The following EPHA4 variants were observed in gnomAD, a reference collection of about 807,000 sequenced individuals.
The protein encoded by EPHA4 is ephrin type-A receptor 4.
EPHA4 carries 19 observed loss-of-function variants against 108.3 expected under a neutral mutation model. The observed-to-expected ratio is 0.18, with a 90% CI of 0.12 to 0.26. EPHA4 has a LOEUF of 0.26. EPHA4 is among the 10% of genes least tolerant of loss of function. The pLI is 1.00. For synonymous variants in EPHA4, 449 were observed against 455.5 expected (o/e 0.99, Z 0.18); for missense variants, 917 against 1,254.0 (o/e 0.73, Z 4.06).
chr2:221,422,077 A>G (rs1689776861), intron 17 of EPHA4: 1 of 151,096 alleles, frequency 6.6e-6, no homozygotes. Flanking sequence ...CCATCTTTAA[A>G]AAAAAAAAAA....
At chr2:221,470,088 T>C (rs771520404) in intron 5 of EPHA4, among the ~76,000 whole-genome samples, 6 of 152,154 alleles carry the variant, frequency 3.9e-5, no homozygotes, top group Non-Finnish European at 8.8e-5. Flanking sequence ...TGACACATAT[T>C]GACAAAGTAT....
intron 3 of EPHA4, among the ~76,000 whole-genome samples, chr2:221,559,479 G>A (rs760688223): frequency 1.3e-5 from 2 of 152,014 alleles, no homozygotes; most frequent in Non-Finnish European, 2.9e-5. Flanking sequence ...GAGAGGCTGA[G>A]GTAGGATCAC....
chr2:221,422,983 T>C (rs1416883527), intron 17 of EPHA4, among the ~76,000 whole-genome samples: 1 of 152,206 alleles, frequency 6.6e-6, no homozygotes, highest in African/African-American at 2.4e-5. Context: ...CATAAATCCA[T>C]TTAAGTGAAG....
chr2:221,549,280 T>A (rs554869988), intron 3 of EPHA4, among the ~76,000 whole-genome samples: 1 of 152,318 alleles, frequency 6.6e-6, no homozygotes, highest in Admixed American at 6.5e-5. Context: ...CCCACAGAAT[T>A]TGTGTGGTTA....
intron 9 of EPHA4, among the ~76,000 whole-genome samples, chr2:221,445,870 T>G (rs919964276): frequency 1.3e-5 from 2 of 152,098 alleles, no homozygotes; most frequent in African/African-American, 4.8e-5. Flanking sequence ...ACTGATAACT[T>G]TCTTAGGGTA....
intron 8 of EPHA4, among the ~76,000 whole-genome samples, chr2:221,447,251 T>A (rs1299647341): frequency 6.6e-6 from 1 of 152,184 alleles, no homozygotes; most frequent in African/African-American, 2.4e-5. Context: ...TTACATTCTA[T>A]GTTTTCTTAG....
intron 8 of EPHA4, among the ~76,000 whole-genome samples, chr2:221,450,175 G>A (rs1690734468): frequency 6.6e-6 from 1 of 152,152 alleles, no homozygotes; most frequent in South Asian, 2.1e-4. Context: ...AGGAAATTAG[G>A]GCCCAGGCGG....
At chr2:221,566,998 A>AAGAAGAAGGAGAAGAAGAAGAAGAAGG (rs1694686004) in intron 2 of EPHA4, among the ~76,000 whole-genome samples, 1 of 140,344 alleles carries the variant, frequency 7.1e-6, no homozygotes, top group Non-Finnish European at 1.6e-5. Context: ...GAAGAAGAAG[A>AAGAAGAAGGAGAAGAAGAAGAAGAAGG]AGAAGAAGAA....
intron 5 of EPHA4, among the ~76,000 whole-genome samples, chr2:221,479,432 G>A (rs1691754142): frequency 6.6e-6 from 1 of 152,194 alleles, no homozygotes; most frequent in Non-Finnish European, 1.5e-5. Context: ...GAGCAAAGAT[G>A]GAGAACCACT....
chr2:221,465,672 GCTCCCTGTGA>G (rs1691286241), intron 5 of EPHA4, among the ~76,000 whole-genome samples: 1 of 152,104 alleles, frequency 6.6e-6, no homozygotes, highest in East Asian at 1.9e-4. Context: ...CCCATAAATA[GCTCCCTGTGA>G]CTCTCCATTT....
intron 8 of EPHA4, 62 bp downstream of exon 8, chr2:221,455,485 A>T: frequency 1.5e-6 from 2 of 1,335,444 alleles, no homozygotes; most frequent in Non-Finnish European, 2.1e-6. Flanking sequence ...GTGGAAGAGA[A>T]AAAAACCATC....
At chr2:221,570,476 C>A (rs1178897000) in intron 1 of EPHA4, among the ~76,000 whole-genome samples, 3 of 152,124 alleles carry the variant, frequency 2.0e-5, no homozygotes, top group Non-Finnish European at 4.4e-5. Context: ...ACCCTAGGGA[C>A]CGAGGGGCGG....
chr2:221,443,615 T>A lies in EPHA4; in HGVS notation c.1775-9A>T. 1 of 1,596,500 alleles carries A rather than the reference T, an allele frequency of 6.3e-7. No individual in the cohort carries two copies. The highest frequency in any genetic ancestry group is 8.6e-7 in the Non-Finnish European group (1 of 1,164,808). On this transcript the variant is annotated splice_polypyrimidine_tract_variant and intron_variant, in intron 9 of 17. Coordinates refer to ENST00000281821, the MANE Select transcript of EPHA4 (RefSeq NM_004438.5). ...CACATATGTTCTTACACCTGAGTGA[T>A]AAACATGATAAGTTGGCTGAATACT... is the stretch of plus-strand genomic sequence containing the variant.
Position 221,566,854 on chromosome 2 carries a change from G to GAGAAGAAGAAGAAGAAGAAGA in EPHA4, c.159+1843_159+1863dup. 3.8e-5 allele frequency among the ~76,000 whole-genome samples: 2 copies of GAGAAGAAGAAGAAGAAGAAGA among 53,266 alleles called. 1 individual carries two copies. The highest frequency in any genetic ancestry group is 1.4e-3 in the East Asian group (2 of 1,472). The allele number at this position is 53,266 out of a possible 152,430, so 34.9% of individuals were successfully genotyped here. On this transcript the variant is annotated intron_variant, in intron 2 of 17. Coordinates refer to ENST00000281821, the MANE Select transcript of EPHA4 (RefSeq NM_004438.5). The stretch of plus-strand genomic sequence containing the variant: ...GAAGGAGAAGAAGGAGAAGGAGAAG[G>GAGAAGAAGAAGAAGAAGAAGA]AGAAGAAGAAGAAGAAGAAGAAGGA...
chr2:221,527,936 G>A (rs1439923408), intron 3 of EPHA4, among the ~76,000 whole-genome samples: 1 of 152,072 alleles, frequency 6.6e-6, no homozygotes, highest in Non-Finnish European at 1.5e-5. Context: ...AATTTCTGAG[G>A]CTCATGAGCA....
intron 8 of EPHA4, among the ~76,000 whole-genome samples, chr2:221,451,713 C>G (rs1055965793): frequency 6.6e-6 from 1 of 152,004 alleles, no homozygotes; most frequent in Non-Finnish European, 1.5e-5. Flanking sequence ...TCAAAGATGC[C>G]TACAGAAAAT....
chr2:221,485,102 C>T (rs555646981), intron 4 of EPHA4, among the ~76,000 whole-genome samples: 2 of 152,306 alleles, frequency 1.3e-5, no homozygotes, highest in South Asian at 4.1e-4. Flanking sequence ...CATTAACCTC[C>T]TTGCCAAGGT....
intron 3 of EPHA4, among the ~76,000 whole-genome samples, chr2:221,550,418 G>GGAGAGAGAGAGAGAGAGAGA (rs71406572): frequency 7.4e-6 from 1 of 135,604 alleles, no homozygotes; most frequent in African/African-American, 2.7e-5. Context: ...TGAGGAAAGG[G>GGAGAGAGAGAGAGAGAGAGA]GAGAGAGAGA....
chr2:221,552,528 C>A (rs770425458), intron 3 of EPHA4, among the ~76,000 whole-genome samples: 1 of 152,142 alleles, frequency 6.6e-6, no homozygotes, highest in Non-Finnish European at 1.5e-5. Flanking sequence ...TGGAAGAGTG[C>A]GAGGAGGGTA....
Sources: allele counts gnomAD v4.1 joint callset (sites outside exome capture counted in the v4.1 genomes callset), GRCh38; gene constraint gnomAD v4.1.1; transcripts MANE v1.5; gene names NCBI Gene and HGNC (gene_info 2026-07-23, HGNC 2026-07-21).